Variants in EML5 observed in about 807,000 individuals in gnomAD.
EML5 encodes the protein echinoderm microtubule-associated protein-like 5.
Under a neutral mutation model 250.0 loss-of-function variants are expected in EML5, and 120 were observed. That is an observed-to-expected ratio of 0.48 (90% CI 0.41 to 0.56). The LOEUF is 0.56. Among genes scored for constraint, EML5 ranks in the 20% least tolerant of loss-of-function variants. The pLI, the probability that EML5 is intolerant of heterozygous loss-of-function variation, is 0.00. For missense variants in EML5, 2,006 were observed against 2,437.6 expected (o/e 0.82, Z 3.73); for synonymous variants, 771 against 806.5 (o/e 0.96, Z 0.75).
intron 27 of EML5, among the ~76,000 whole-genome samples, chr14:88,654,798 G>A (rs1470513380): frequency 2.0e-5 from 3 of 152,048 alleles, no homozygotes; most frequent in Non-Finnish European, 2.9e-5. Context: ...TATTAGGTCC[G>A]TTTGTCCAGA....
At chr14:88,741,390 A>G (rs2093923350) in intron 4 of EML5, among the ~76,000 whole-genome samples, 1 of 152,210 alleles carries the variant, frequency 6.6e-6, no homozygotes, top group Non-Finnish European at 1.5e-5. Flanking sequence ...TTGCTTGTAA[A>G]GCTTAAAAAA....
At chr14:88,695,632 T>C (rs952181241) in intron 15 of EML5, among the ~76,000 whole-genome samples, 178 bp from the exon 16 acceptor site, 5 of 152,110 alleles carry the variant, frequency 3.3e-5, no homozygotes, top group African/African-American at 1.2e-4. Context: ...GAATAAAAGT[T>C]TCTCAAATCC....
intron 31 of EML5, among the ~76,000 whole-genome samples, chr14:88,642,131 T>A (rs2091098224): frequency 6.6e-6 from 1 of 152,296 alleles, no homozygotes; most frequent in East Asian, 1.9e-4. Flanking sequence ...ATCAATCTAC[T>A]CTTTACCCAT....
intron 10 of EML5, among the ~76,000 whole-genome samples, chr14:88,711,877 G>A (rs559113314): frequency 1.3e-5 from 2 of 151,924 alleles, no homozygotes; most frequent in South Asian, 4.2e-4. Flanking sequence ...CCCAAGAGGT[G>A]GAGGCTGCAG....
Position 88,620,763 on chromosome 14 carries a change from T to C in EML5, c.5366A>G (p.His1789Arg). 6.3e-7 allele frequency: 1 copy of C among 1,590,590 alleles called. No individual in the cohort carries two copies. The highest frequency in any genetic ancestry group is 8.5e-7 in the Non-Finnish European group (1 of 1,172,488). The change falls in exon 39 of 44, where the codon CAT becomes CGT. Residue 1789 changes from histidine to arginine, a missense_variant. Physicochemically the swap from His to Arg is conservative, Grantham distance 29 (BLOSUM62 0). Transcript: ENST00000554922. This position sits in a 1 kb window ranked among gnomAD's most constrained non-coding sequence, Gnocchi z 4.3. ...GKKRDRRCAI[H>R]DIRFSPDSRY... ...CCATTTGTTCACTAACCTGATATCA[T>C]GGATTGCACATCTCCTGTCTCTCTT... is the stretch of plus-strand genomic sequence containing the variant.
At chr14:88,724,698 A>C (rs2093640767) in intron 8 of EML5, among the ~76,000 whole-genome samples, 1 of 152,226 alleles carries the variant, frequency 6.6e-6, no homozygotes, top group Non-Finnish European at 1.5e-5. Context: ...CAATACTTTC[A>C]GTTCTTACAG....
intron 1 of EML5, among the ~76,000 whole-genome samples, chr14:88,785,844 C>T (rs984743304): frequency 2.0e-5 from 3 of 152,184 alleles, no homozygotes; most frequent in African/African-American, 7.2e-5. Context: ...CTGTTCTCAA[C>T]ATAGGAGCCA....
chr14:88,672,978 T>C (rs1026179117), intron 21 of EML5, among the ~76,000 whole-genome samples: 1 of 152,164 alleles, frequency 6.6e-6, no homozygotes, highest in African/African-American at 2.4e-5. Context: ...GCTGGTACCA[T>C]TTCTTCTGAA....
Position 88,616,222 on chromosome 14 carries a change from C to G in EML5, c.5817G>C (p.Leu1939Phe), listed in dbSNP as rs1396676864. 8 of 1,613,714 alleles carry G rather than the reference C, an allele frequency of 5.0e-6. No individual in the cohort carries two copies. The highest frequency in any genetic ancestry group is 6.8e-6 in the Non-Finnish European group (8 of 1,179,806). Residue 1939 changes from leucine (L) to phenylalanine (F), a missense_variant, in exon 43 of 44, where the codon TTG becomes TTC. Physicochemically the swap from Leu to Phe is conservative, Grantham distance 22. Around this residue, in one of 7 missense-constraint regions of EML5, gnomAD observed 56 missense variants for 55.1 expected, o/e 1.02. Transcript: ENST00000554922. ...TATTTGTCACATGGGGCGAATGACC[C>G]AAGAACCTTTTGTGTTTTGCCTAAA... ...PEKFAKHKRFLGHSPHVTNIR... is the reference protein window; with the variant it reads ...PEKFAKHKRFFGHSPHVTNIR...
chr14:88,781,253 A>T (rs930571584), intron 1 of EML5, among the ~76,000 whole-genome samples: 1 of 152,202 alleles, frequency 6.6e-6, no homozygotes, highest in Non-Finnish European at 1.5e-5. Context: ...TTCTGTCAGC[A>T]TCTAAGAAAT....
rs368698114 is a variant in EML5, at chr14:88,791,955, A to G, written c.197+352T>C. ...CCCGGGTGCTTTAAGAATGCGTTTA[A>G]TAAGAAATTTCTCACAGGATCTAAC... is the stretch of plus-strand genomic sequence containing the variant. On this transcript the variant is annotated intron_variant, in intron 1 of 43. Transcript: ENST00000554922. Among the ~76,000 whole-genome samples the G allele has an allele frequency of 1.1e-4, 16 of 152,324 alleles. No individual in the cohort carries two copies. The East Asian group carries it at 1.5e-3, about 15-fold the overall frequency.
chr14:88,643,094 G>A (rs530711137), intron 30 of EML5, 72 bp from the exon 31 acceptor site: 60 of 1,362,504 alleles, frequency 4.4e-5, no homozygotes, highest in East Asian at 2.3e-4. Flanking sequence ...TGTTGTATAC[G>A]TAATACTAGT....
intron 1 of EML5, among the ~76,000 whole-genome samples, chr14:88,760,114 G>T (rs1243943915): frequency 6.6e-6 from 1 of 152,112 alleles, no homozygotes; most frequent in African/African-American, 2.4e-5. Flanking sequence ...TTTTCTCCCA[G>T]ACTGTAGCTT....
chr14:88,702,353 T>C (rs2141427903), intron 14 of EML5, 93 bp downstream of exon 14: 1 of 963,632 alleles, frequency 1.0e-6, no homozygotes, highest in East Asian at 3.0e-5. Flanking sequence ...TTACTCTTCA[T>C]ATCCTAGAAC....
chr14:88,654,528 C>T (rs1287680), intron 27 of EML5, among the ~76,000 whole-genome samples: 98,567 of 152,004 alleles, frequency 0.65, 33,814 homozygotes, highest in East Asian at 0.94. Flanking sequence ...TGCCTTAATT[C>T]TGTTATTTAC....
At chr14:88,651,611 C>T (rs925049818) in intron 27 of EML5, among the ~76,000 whole-genome samples, 2 of 152,004 alleles carry the variant, frequency 1.3e-5, no homozygotes, top group African/African-American at 4.8e-5. Context: ...GCCCCTTCTT[C>T]CCCATAGAAC....
intron 19 of EML5, among the ~76,000 whole-genome samples, chr14:88,685,406 CTTA>C (rs2092810593): frequency 6.6e-6 from 1 of 152,144 alleles, no homozygotes; most frequent in Admixed American, 6.5e-5. Context: ...TTTACCTCTT[CTTA>C]TATTAGCCCT....
intron 10 of EML5, among the ~76,000 whole-genome samples, chr14:88,712,060 T>C (rs1468351443): frequency 2.0e-5 from 3 of 152,094 alleles, no homozygotes; most frequent in African/African-American, 4.8e-5. Flanking sequence ...CATAACAACA[T>C]ATGAATTCAA....
intron 28 of EML5, among the ~76,000 whole-genome samples, chr14:88,649,035 A>AC (rs954449256): frequency 1.4e-5 from 2 of 142,026 alleles, no homozygotes; most frequent in Admixed American, 1.4e-4. Context: ...TCCTCCCGCC[A>AC]CCCCCCACCC....
Sources: gnomAD v4.1 joint callset for allele counts (sites outside exome capture counted in the v4.1 genomes callset) on GRCh38, gnomAD v4.1.1 for gene constraint, gnomAD v4.1.1 regional missense constraint, Gnocchi (gnomAD v3.1) non-coding constraint, MANE v1.5 for transcripts, NCBI Gene and HGNC (gene_info 2026-07-23, HGNC 2026-07-21) for gene names.